The following CAGE1 variants were observed in gnomAD, a reference collection of about 807,000 sequenced individuals.
CAGE1 encodes the protein cancer antigen 1, also known as cancer-associated gene 1 protein.
CAGE1 carries 66 observed loss-of-function variants against 94.9 expected under a neutral mutation model. The observed-to-expected ratio is 0.70, with a 90% CI of 0.57 to 0.85. The LOEUF (loss-of-function observed/expected upper bound fraction) is 0.85. CAGE1 is among the 40% of genes least tolerant of loss of function. The pLI is 0.00. For missense variants in CAGE1, 865 were observed against 950.4 expected (o/e 0.91, Z 1.18); for synonymous variants, 319 against 321.0 (o/e 0.99, Z 0.07).
intron 11 of CAGE1, among the ~76,000 whole-genome samples, chr6:7,354,205 G>C (rs927645334): frequency 6.6e-6 from 1 of 151,654 alleles, no homozygotes; most frequent in African/African-American, 2.4e-5. Flanking sequence ...ATATTTCATT[G>C]GCCTATGATC....
chr6:7,376,389 AAAAT>A (rs200068860), intron 4 of CAGE1, among the ~76,000 whole-genome samples: 27,223 of 141,476 alleles, frequency 0.19, 2,775 homozygotes, highest in Non-Finnish European at 0.21. Flanking sequence ...ACTCCATCTC[AAAAT>A]AAATAAATAA....
chr6:7,366,833 G>A lies in CAGE1; in HGVS notation c.2005-949C>T, dbSNP rs114654567. Among the ~76,000 whole-genome samples the A allele has an allele frequency of 6.7e-3, 1,014 of 152,060 alleles. 13 individuals carry two copies. Among genetic ancestry groups the A allele is most frequent in the African/African-American group, 0.022 (915 of 41,462 alleles). On this transcript the variant is annotated intron_variant, in intron 7 of 13. Coordinates refer to ENST00000502583, the MANE Select transcript of CAGE1 (RefSeq NM_001170692.2). ...AATCATCAAACCTGGGGGTGGTCTCGGGGTCTCCAAGGAGTTATCCTAACA... is the reference window on the plus strand; with the variant it reads ...AATCATCAAACCTGGGGGTGGTCTCAGGGTCTCCAAGGAGTTATCCTAACA...
At chr6:7,328,931 TA>T (rs1461556608) in intron 13 of CAGE1, among the ~76,000 whole-genome samples, 5,821 of 107,640 alleles carry the variant, frequency 0.054, 257 homozygotes, top group Non-Finnish European at 0.084. Flanking sequence ...TATATATATA[TA>T]TATTTTTTTT....
chr6:7,357,456 T>G (rs1376681553), intron 9 of CAGE1, among the ~76,000 whole-genome samples: 1 of 152,212 alleles, frequency 6.6e-6, no homozygotes, highest in East Asian at 1.9e-4. Flanking sequence ...TTTCTCTTTT[T>G]CATTATAGAT....
intron 11 of CAGE1, among the ~76,000 whole-genome samples, chr6:7,344,298 G>A (rs9379092): frequency 0.093 from 14,154 of 152,268 alleles, 1,531 homozygotes; most frequent in African/African-American, 0.26. Context: ...GGCTTGGCGG[G>A]TCCCGCACTC....
At chr6:7,328,908 GTGTGTGTGTGTATA>G (rs146705190) in intron 13 of CAGE1, among the ~76,000 whole-genome samples, 4,612 of 82,888 alleles carry the variant, frequency 0.056, 154 homozygotes, top group Non-Finnish European at 0.077. Flanking sequence ...GTGTGTGTGT[GTGTGTGTGTGTATA>G]TATATATATA....
At position 7,379,028 on chromosome 6, in the gene CAGE1, G is replaced by T. The variant is rs1180282091; in HGVS notation, c.284-8C>A. 2 of 1,473,714 alleles carry T rather than the reference G, an allele frequency of 1.4e-6. No individual in the cohort carries two copies. The highest frequency in any genetic ancestry group is 5.0e-5 in the East Asian group (2 of 40,252). 91.3% of individuals were successfully genotyped at this position (1,473,714 alleles called of 1,614,324 possible). On this transcript the variant is annotated splice_region_variant and splice_polypyrimidine_tract_variant and intron_variant, in intron 3 of 13. Transcript: ENST00000502583. ...AATTTTCAATGTTGTTATCTCATAA[G>T]AAAGAGAAAGAAGGAAATAAAAACG... is the stretch of plus-strand genomic sequence containing the variant.
chr6:7,376,648 T>A (rs965115197), intron 4 of CAGE1, among the ~76,000 whole-genome samples: 1 of 152,136 alleles, frequency 6.6e-6, no homozygotes, highest in African/African-American at 2.4e-5. Context: ...TAAAGCAGTA[T>A]CTGACCCACA....
rs1364857379 is a variant in CAGE1, at chr6:7,389,313, C to A, written c.-135G>T. 1 of 456,176 alleles carries A rather than the reference C, an allele frequency of 2.2e-6. No individual in the cohort carries two copies. Among genetic ancestry groups the A allele is most frequent in the Non-Finnish European group, 4.4e-6 (1 of 226,976 alleles). The allele number at this position is 456,176 out of a possible 1,614,324, so 28.3% of individuals were successfully genotyped here. On this transcript the variant is annotated 5_prime_UTR_variant, in exon 1 of 14. Transcript: ENST00000502583. ...GGATCCATAGTTTCTTGGACCCACG[C>A]TACGGACCTGGCTCTCCCTCCCTCT...
intron 2 of CAGE1, 101 bp downstream of exon 2, chr6:7,386,878 T>C (rs1201942372): frequency 2.5e-6 from 2 of 815,360 alleles, no homozygotes; most frequent in Non-Finnish European, 3.9e-6. Flanking sequence ...CCACCGAATA[T>C]TGTTTTATTG....
chr6:7,350,546 A>G (rs1238537868), intron 11 of CAGE1, among the ~76,000 whole-genome samples: 1 of 152,204 alleles, frequency 6.6e-6, no homozygotes, highest in African/African-American at 2.4e-5. Context: ...GAAAACTGAA[A>G]TTATATCAAG....
chr6:7,334,716 ACT>A (rs1285727591), intron 11 of CAGE1, among the ~76,000 whole-genome samples: 17 of 118,218 alleles, frequency 1.4e-4, no homozygotes, highest in African/African-American at 5.0e-4. Flanking sequence ...ACAGAGCTAG[ACT>A]CTCTCTCAAA....
rs1382160276 is a variant in CAGE1 at position 7,334,032 on chromosome 6, T to C, written c.2428A>G (p.Arg810Gly). Residue 810 changes from arginine to glycine, a missense_variant, in exon 12 of 14, where the codon AGA becomes GGA. By Grantham distance (125) the Arg-to-Gly change is moderately radical (BLOSUM62 -2). Transcript: ENST00000502583. ...DLIRKPREKA[R>G]KPRSKSLENH... ...TAAAGGGAAACTTACCTTGGTTTTCTGGCTTTTTCTCTGGGCTTTCTAATT... is the reference window on the plus strand; with the variant it reads ...TAAAGGGAAACTTACCTTGGTTTTCCGGCTTTTTCTCTGGGCTTTCTAATT... 1 of 1,529,532 alleles carries C rather than the reference T, an allele frequency of 6.5e-7. No individual in the cohort carries two copies. The allele number at this position is 1,529,532 out of a possible 1,614,324, so 94.7% of individuals were successfully genotyped here.
Position 7,373,201 on chromosome 6 carries a change from C to G in CAGE1, c.1618G>C (p.Val540Leu), listed in dbSNP as rs34744890. 8,738 of 1,613,202 alleles carry G rather than the reference C, an allele frequency of 5.4e-3. 60 individuals carry two copies. The highest frequency in any genetic ancestry group is 0.014 in the Middle Eastern group (83 of 6,062). The change falls in exon 5 of 14, where the codon GTA becomes CTA. Residue 540 changes from valine to leucine, a missense_variant. Transcript: ENST00000502583. The stretch of plus-strand genomic sequence containing the variant: ...TTAAGTTTTGCATTCTCATTTTTTA[C>G]TTCGTTGATTTGCTGCTGAAGTTTT... ...NIKLQQQINE[V>L]KNENAKLKQQ...
intron 11 of CAGE1, among the ~76,000 whole-genome samples, chr6:7,345,698 C>T (rs200400768): frequency 6.2e-4 from 94 of 151,858 alleles, no homozygotes; most frequent in African/African-American, 1.7e-3. Context: ...GAGGCTGAGG[C>T]GGGCAGATCA....
intron 11 of CAGE1, among the ~76,000 whole-genome samples, chr6:7,336,948 A>G (rs571565345): frequency 6.6e-6 from 1 of 152,296 alleles, no homozygotes; most frequent in South Asian, 2.1e-4. Context: ...TCTGGATAGA[A>G]GTTCTTTATT....
rs574245243 is a variant in CAGE1, at chr6:7,363,848, A to G, written c.2193+1620T>C. On this transcript the variant is annotated intron_variant, in intron 9 of 13. Transcript: ENST00000502583. ...TACAGGTTTTAGCAGCCATTATGATAACTGCTTACATTCCTTAATTTATTC... is the reference window on the plus strand; with the variant it reads ...TACAGGTTTTAGCAGCCATTATGATGACTGCTTACATTCCTTAATTTATTC... Among the ~76,000 whole-genome samples the G allele has an allele frequency of 2.6e-5, 4 of 152,356 alleles. No homozygotes were observed. The South Asian group carries it at 8.3e-4, about 32-fold the overall frequency.
chr6:7,370,744 A>G lies in CAGE1; in HGVS notation c.1747-679T>C, dbSNP rs551315257. Among the ~76,000 whole-genome samples the G allele has an allele frequency of 1.0e-3, 159 of 152,332 alleles. 1 individual carries two copies. Among genetic ancestry groups the G allele is most frequent in the Non-Finnish European group, 1.4e-3 (94 of 68,032 alleles). ...TTCTCATATTTGCTTCACACATTCC[A>G]TCAGCCATGAGAGCAATTACATCAT... On this transcript the variant is annotated intron_variant, in intron 5 of 13. Transcript: ENST00000502583.
intron 13 of CAGE1, among the ~76,000 whole-genome samples, chr6:7,327,175 C>T (rs1324410326): frequency 6.6e-6 from 1 of 152,172 alleles, no homozygotes; most frequent in Non-Finnish European, 1.5e-5. Context: ...GCCTCTGCCT[C>T]CCAAGTAGCT....
Sources: gnomAD v4.1 joint callset for allele counts (sites outside exome capture counted in the v4.1 genomes callset) on GRCh38, gnomAD v4.1.1 for gene constraint, MANE v1.5 for transcripts, NCBI Gene and HGNC (gene_info 2026-07-23, HGNC 2026-07-21) for gene names.